SPAG9: variants seen among roughly 807,000 people sequenced by gnomAD.
SPAG9 encodes C-Jun-amino-terminal kinase-interacting protein 4.
SPAG9 carries 35 observed loss-of-function variants against 166.5 expected under a neutral mutation model. The ratio of observed to expected loss-of-function variants is 0.21; its 90% CI spans 0.16 to 0.28. The LOEUF (loss-of-function observed/expected upper bound fraction) is 0.28, where lower values mean the gene tolerates loss of function less well. Among genes scored for constraint, SPAG9 ranks in the 10% least tolerant of loss-of-function variants. The pLI is 1.00. For synonymous variants in SPAG9, 534 were observed against 565.5 expected, an observed-to-expected ratio of 0.94 and a Z score of 0.79; for missense variants, 1,235 against 1,603.3, an observed-to-expected ratio of 0.77 and a Z score of 3.92.
At position 51,014,605 on chromosome 17, in the gene SPAG9, C is replaced by A. The variant is rs946428880; in HGVS notation, c.1092-252G>T. The A allele has an allele frequency of 1.7e-5, 6 of 357,274 alleles. 1 individual carries two copies. 22.1% of individuals were successfully genotyped at this position (357,274 alleles called of 1,614,324 possible). ...CAGCAAACACAAGCAATAATGGCAGCTCCTCTGCTCTATACCAGGTGCTGG... is the reference window on the plus strand; with the variant it reads ...CAGCAAACACAAGCAATAATGGCAGATCCTCTGCTCTATACCAGGTGCTGG... On this transcript the variant is annotated intron_variant, in intron 8 of 29. Coordinates refer to ENST00000262013, the MANE Select transcript of SPAG9 (RefSeq NM_001130528.3).
intron 29 of SPAG9, 62 bp downstream of exon 29, chr17:50,970,645 T>C: frequency 6.9e-7 from 1 of 1,454,252 alleles, no homozygotes; most frequent in Non-Finnish European, 9.4e-7. Context: ...CTTATTTACT[T>C]TGGGACAAAA....
chr17:51,066,567 G>GAAAAAAAAAAAAAAAAA (rs71149340), intron 2 of SPAG9, among the ~76,000 whole-genome samples: 6 of 110,838 alleles, frequency 5.4e-5, no homozygotes, highest in African/African-American at 7.1e-5. Flanking sequence ...AAAAAAAAAA[G>GAAAAAAAAAAAAAAAAA]AAAAAAAAAA....
At chr17:51,010,578 A>AT (rs200072916) in intron 9 of SPAG9, among the ~76,000 whole-genome samples, 3,395 of 141,482 alleles carry the variant, frequency 0.024, 78 homozygotes, top group African/African-American at 0.08. Flanking sequence ...GAAAAAAAAA[A>AT]AAAAATATAT....
chr17:50,982,111 C>A (rs183341740), intron 25 of SPAG9, among the ~76,000 whole-genome samples: 255 of 152,200 alleles, frequency 1.7e-3, no homozygotes, highest in African/African-American at 5.6e-3. Context: ...AACAAATTCC[C>A]AGTGCAATGT....
In SPAG9 at chr17:51,104,171, C is replaced by T. The variant is rs548048850; in HGVS notation, c.303+16183G>A. On this transcript the variant is annotated intron_variant, in intron 1 of 29. Coordinates refer to ENST00000262013, the MANE Select transcript of SPAG9 (RefSeq NM_001130528.3). ...TGGGAAATAAGTTCAGTTTTGGACA[C>T]GCTGGGAGATATTCACACCCAATAA... is the stretch of plus-strand genomic sequence containing the variant. 6.6e-5 allele frequency among the ~76,000 whole-genome samples: 10 copies of T among 152,182 alleles called. No homozygotes were observed. In the East Asian group the frequency reaches 1.5e-3, roughly 23 times the overall value.
intron 4 of SPAG9, chr17:51,046,908 A>G: frequency 6.6e-7 from 1 of 1,504,496 alleles, no homozygotes; most frequent in Non-Finnish European, 8.9e-7. Context: ...CAGCCTATTA[A>G]CTATTTTCCC....
At chr17:51,044,207 T>C (rs1208420668) in intron 4 of SPAG9, among the ~76,000 whole-genome samples, 1 of 152,184 alleles carries the variant, frequency 6.6e-6, no homozygotes, top group Non-Finnish European at 1.5e-5. Flanking sequence ...GGCAAGTTCA[T>C]GAGAATCCTA....
intron 19 of SPAG9, 184 bp from the exon 20 acceptor site, chr17:50,990,852 G>A: frequency 2.4e-4 from 112 of 463,564 alleles, no homozygotes; most frequent in Middle Eastern, 5.9e-4. Flanking sequence ...AAAAAATTAA[G>A]AAAATACTTC....
At chr17:51,119,459 A>G (rs2049405569) in intron 1 of SPAG9, among the ~76,000 whole-genome samples, 1 of 152,192 alleles carries the variant, frequency 6.6e-6, no homozygotes, top group Non-Finnish European at 1.5e-5. Context: ...CAGTCTCAAG[A>G]AGCCAAGGAC....
In SPAG9 at chr17:50,979,963, T is replaced by G. The variant is rs1379489357; in HGVS notation, c.3238-46A>C. The G allele has an allele frequency of 4.4e-6, 7 of 1,580,620 alleles. 1 individual carries two copies. The South Asian group carries it at 7.8e-5, about 18-fold the overall frequency. ...ACAAAGTTACTTTTGCTACATAGAA[T>G]TTCATATTTAAAACTGTGCTAATTT... is the stretch of plus-strand genomic sequence containing the variant. On this transcript the variant is annotated intron_variant, in intron 25 of 29. Transcript: ENST00000262013.
intron 1 of SPAG9, among the ~76,000 whole-genome samples, chr17:51,085,959 ATTT>A (rs34918673): frequency 3.4e-5 from 3 of 88,066 alleles, no homozygotes; most frequent in Non-Finnish European, 2.1e-5. Context: ...CTTGGAAATC[ATTT>A]TTTTTTTTTT....
In SPAG9 at chr17:51,023,865, C is replaced by T. The variant is rs115810795; in HGVS notation, c.784-2500G>A. Among the ~76,000 whole-genome samples the T allele has an allele frequency of 2.2e-3, 334 of 152,306 alleles. 1 individual carries two copies. The highest frequency in any genetic ancestry group is 7.8e-3 in the African/African-American group (323 of 41,562). ...ATTTTTGGTACAGACGGAGTTTTGCCACGCTGCCCAGGCTGGTCTCAGATG... is the reference window on the plus strand; with the variant it reads ...ATTTTTGGTACAGACGGAGTTTTGCTACGCTGCCCAGGCTGGTCTCAGATG... On this transcript the variant is annotated intron_variant, in intron 6 of 29. Transcript: ENST00000262013.
intron 2 of SPAG9, among the ~76,000 whole-genome samples, chr17:51,066,554 C>CAAAAAA (rs1297678240): frequency 4.2e-4 from 9 of 21,332 alleles, no homozygotes; most frequent in African/African-American, 1.4e-3. Context: ...GACTCTGTCT[C>CAAAAAA]AAAAAAAAAA....
intron 4 of SPAG9, among the ~76,000 whole-genome samples, chr17:51,041,909 G>C (rs999787328): frequency 6.6e-6 from 1 of 152,200 alleles, no homozygotes; most frequent in African/African-American, 2.4e-5. Context: ...TTACTGACGA[G>C]TTCCTTGCCC....
intron 12 of SPAG9, among the ~76,000 whole-genome samples, chr17:51,003,260 T>C (rs2045042595): frequency 6.6e-6 from 1 of 151,806 alleles, no homozygotes; most frequent in South Asian, 2.1e-4. Flanking sequence ...ATAGTAATAA[T>C]ACTAAAATAA....
At chr17:50,998,724 A>C in intron 14 of SPAG9, 107 bp from the exon 15 acceptor site, 1 of 1,090,198 alleles carries the variant, frequency 9.2e-7, no homozygotes. Context: ...TTTACAAGGC[A>C]ATGAGTTAGA....
intron 1 of SPAG9, among the ~76,000 whole-genome samples, chr17:51,101,342 T>C (rs1488831749): frequency 5.8e-5 from 5 of 86,384 alleles, no homozygotes; most frequent in African/African-American, 1.8e-4. Context: ...TGAGATTCTG[T>C]CTCAAAAAAA....
chr17:51,030,156 G>C (rs1023066374), intron 6 of SPAG9, among the ~76,000 whole-genome samples: 2 of 152,112 alleles, frequency 1.3e-5, no homozygotes, highest in African/African-American at 4.8e-5. Flanking sequence ...CATGTGCTTA[G>C]TGCTATACAG....
intron 12 of SPAG9, 137 bp from the exon 13 acceptor site, chr17:51,001,982 C>CT: frequency 1.3e-6 from 1 of 762,374 alleles, no homozygotes; most frequent in Non-Finnish European, 2.1e-6. Context: ...AGAAAAATGG[C>CT]TTTATAAAAA....
Sources: gnomAD v4.1 joint callset for allele counts (sites outside exome capture counted in the v4.1 genomes callset) on GRCh38, gnomAD v4.1.1 for gene constraint, MANE v1.5 for transcripts, NCBI Gene and HGNC (gene_info 2026-07-23, HGNC 2026-07-21) for gene names.